Variants in PPP2R5E observed in about 807,000 individuals in gnomAD.
The protein encoded by PPP2R5E is serine/threonine-protein phosphatase 2A 56 kDa regulatory subunit epsilon isoform.
A neutral mutation model predicts 65.3 loss-of-function variants in PPP2R5E; 4 were observed. The observed-to-expected ratio is 0.06, with a 90% CI of 0.03 to 0.14. The LOEUF (loss-of-function observed/expected upper bound fraction) is 0.14. Among genes scored for constraint, PPP2R5E ranks in the 10% least tolerant of loss-of-function variants. The probability of loss-of-function intolerance (pLI) is 1.00; values close to 1 mark genes in which losing one functional copy is unlikely to be tolerated. For missense variants in PPP2R5E, 274 were observed against 556.1 expected (o/e 0.49, Z 5.10); for synonymous variants, 183 against 187.4 (o/e 0.98, Z 0.19).
At chr14:63,498,665 CCTCCCACCT>C (rs1891703195) in intron 2 of PPP2R5E, among the ~76,000 whole-genome samples, 1 of 151,896 alleles carries the variant, frequency 6.6e-6, no homozygotes, top group Non-Finnish European at 1.5e-5. Context: ...CTCAAGTAAT[CCTCCCACCT>C]TGGCTTAACA....
intron 2 of PPP2R5E, among the ~76,000 whole-genome samples, chr14:63,464,812 C>A (rs985986195): frequency 6.6e-6 from 1 of 152,164 alleles, no homozygotes; most frequent in Non-Finnish European, 1.5e-5. Context: ...TACCTGAGGT[C>A]AGGAGTTCAA....
At chr14:63,499,784 G>C (rs1891767040) in intron 2 of PPP2R5E, among the ~76,000 whole-genome samples, 1 of 151,838 alleles carries the variant, frequency 6.6e-6, no homozygotes, top group Admixed American at 6.6e-5. Context: ...AGCCCCAAGA[G>C]ACCATCTATT....
chr14:63,423,609 C>T (rs1044679857), intron 3 of PPP2R5E, among the ~76,000 whole-genome samples: 1 of 152,176 alleles, frequency 6.6e-6, no homozygotes, highest in Non-Finnish European at 1.5e-5. Flanking sequence ...GGAGATATTG[C>T]ATCAGAAGCC....
chr14:63,529,462 G>A (rs1893319585), intron 2 of PPP2R5E, among the ~76,000 whole-genome samples: 1 of 150,992 alleles, frequency 6.6e-6, no homozygotes, highest in Admixed American at 6.6e-5. Flanking sequence ...CCAGGGTCAC[G>A]CCATTCTCCT....
At chr14:63,451,019 G>A (rs1249766201) in intron 3 of PPP2R5E, among the ~76,000 whole-genome samples, 1 of 152,212 alleles carries the variant, frequency 6.6e-6, no homozygotes, top group African/African-American at 2.4e-5. Context: ...TGGTGAGGAT[G>A]TGGAGCAGCA....
At chr14:63,385,565 G>A (rs1884612645) in intron 11 of PPP2R5E, among the ~76,000 whole-genome samples, 1 of 152,102 alleles carries the variant, frequency 6.6e-6, no homozygotes, top group Non-Finnish European at 1.5e-5. Flanking sequence ...CAGCTACTGA[G>A]GAACACCCAC....
chr14:63,488,378 C>G (rs530907565), intron 2 of PPP2R5E, among the ~76,000 whole-genome samples: 1 of 151,904 alleles, frequency 6.6e-6, no homozygotes, highest in Non-Finnish European at 1.5e-5. Context: ...TTGTTTTATT[C>G]TTTTTGTAGA....
chr14:63,469,211 G>A (rs1889987448), intron 2 of PPP2R5E, among the ~76,000 whole-genome samples: 1 of 152,058 alleles, frequency 6.6e-6, no homozygotes, highest in Admixed American at 6.5e-5. Context: ...AGACCAAATG[G>A]AGAGAAACCC....
At chr14:63,518,574 C>T (rs1434686203) in intron 2 of PPP2R5E, among the ~76,000 whole-genome samples, 2 of 152,058 alleles carry the variant, frequency 1.3e-5, no homozygotes, top group Non-Finnish European at 1.5e-5. Flanking sequence ...CTTTAAGAGA[C>T]TTGATGTTTT....
At chr14:63,387,191 C>T (rs1302040766) in intron 11 of PPP2R5E, among the ~76,000 whole-genome samples, 1 of 152,142 alleles carries the variant, frequency 6.6e-6, no homozygotes, top group Admixed American at 6.5e-5. Context: ...CTAGGTGCCT[C>T]CTTCTTTACT....
At chr14:63,517,631 C>T (rs2139713868) in intron 2 of PPP2R5E, among the ~76,000 whole-genome samples, 1 of 152,276 alleles carries the variant, frequency 6.6e-6, no homozygotes, top group East Asian at 1.9e-4. Flanking sequence ...ATTTTCACCA[C>T]CCACAAAATG....
Position 63,420,103 on chromosome 14 carries a change from T to C in PPP2R5E, c.456+1890A>G, listed in dbSNP as rs538240801. Among the ~76,000 whole-genome samples the C allele has an allele frequency of 3.3e-5, 5 of 152,318 alleles. No homozygotes were observed. In the South Asian group the frequency reaches 6.2e-4, roughly 19 times the overall value. On this transcript the variant is annotated intron_variant, in intron 4 of 13. Transcript: ENST00000337537. ...ATTTATGTCTATGGTTATCATGACA[T>C]AGAATATTCAAAAAGCTCTTGCAAA...
chr14:63,439,361 T>TTTTTTGTTTTTG (rs546330361), intron 3 of PPP2R5E, among the ~76,000 whole-genome samples: 1 of 151,866 alleles, frequency 6.6e-6, no homozygotes, highest in South Asian at 2.1e-4. Context: ...TCTGTTTTTT[T>TTTTTTGTTTTTG]TTTTTGTTTT....
intron 5 of PPP2R5E, among the ~76,000 whole-genome samples, chr14:63,413,618 G>A (rs1052668209): frequency 6.6e-6 from 1 of 152,268 alleles, no homozygotes; most frequent in Middle Eastern, 3.4e-3. Flanking sequence ...ATCAACTAAC[G>A]CAGGCAAAGG....
At chr14:63,538,079 C>T (rs948043301) in intron 2 of PPP2R5E, among the ~76,000 whole-genome samples, 3 of 152,022 alleles carry the variant, frequency 2.0e-5, no homozygotes, top group African/African-American at 4.8e-5. Context: ...CATGGCAATT[C>T]GAGACCAGCC....
chr14:63,534,541 T>C (rs1019886273), intron 2 of PPP2R5E, among the ~76,000 whole-genome samples: 4 of 152,322 alleles, frequency 2.6e-5, no homozygotes, highest in Admixed American at 6.5e-5. Context: ...TTTTACTTTC[T>C]TATCAAGTAA....
chr14:63,400,284 G>C (rs1885670722), intron 5 of PPP2R5E, among the ~76,000 whole-genome samples: 1 of 152,176 alleles, frequency 6.6e-6, no homozygotes, highest in African/African-American at 2.4e-5. Flanking sequence ...TAAATAAACA[G>C]CATGTTAAGT....
chr14:63,380,763 T>A (rs1036462712), intron 13 of PPP2R5E, among the ~76,000 whole-genome samples: 1 of 152,186 alleles, frequency 6.6e-6, no homozygotes, highest in African/African-American at 2.4e-5. Flanking sequence ...CCCAGCCTCT[T>A]CTGAGATTCT....
Position 63,375,005 on chromosome 14 carries a change from A to C in PPP2R5E, c.*1004T>G, listed in dbSNP as rs1240342026. 1 of 152,548 alleles carries C rather than the reference A, an allele frequency of 6.6e-6. No individual in the cohort carries two copies. Among genetic ancestry groups the C allele is most frequent in the Non-Finnish European group, 1.5e-5 (1 of 68,006 alleles). 9.4% of individuals were successfully genotyped at this position (152,548 alleles called of 1,614,324 possible). On this transcript the variant is annotated 3_prime_UTR_variant, in exon 14 of 14. Coordinates refer to ENST00000337537, the MANE Select transcript of PPP2R5E (RefSeq NM_006246.5). ...AGAGGCTACATCCTCTTTTGCTGGA[A>C]TACTTTATAAATACATATTAAAAAG...
Sources: allele counts gnomAD v4.1 joint callset (sites outside exome capture counted in the v4.1 genomes callset), GRCh38; gene constraint gnomAD v4.1.1; transcripts MANE v1.5; gene names NCBI Gene and HGNC (gene_info 2026-07-23, HGNC 2026-07-21).